Variants in LUZP2 observed in about 807,000 individuals in gnomAD.
The protein encoded by LUZP2 is leucine zipper protein 2.
LUZP2 carries 52 observed loss-of-function variants against 51.6 expected under a neutral mutation model. That is an observed-to-expected ratio of 1.01 (90% CI 0.81 to 1.27). The LOEUF (loss-of-function observed/expected upper bound fraction) is 1.27, where lower values mean the gene tolerates loss of function less well. Among genes scored for constraint, LUZP2 ranks in the 50% most tolerant of loss-of-function variants. The pLI, the probability that LUZP2 is intolerant of heterozygous loss-of-function variation, is 0.00. For missense variants in LUZP2, 436 were observed against 395.4 expected (o/e 1.10, Z -0.87); for synonymous variants, 154 against 137.3 (o/e 1.12, Z -0.85).
At chr11:24,953,439 G>T (rs1317269072) in intron 7 of LUZP2, among the ~76,000 whole-genome samples, 1 of 151,910 alleles carries the variant, frequency 6.6e-6, no homozygotes, top group Non-Finnish European at 1.5e-5. Context: ...TGTCTCCTCA[G>T]CACACTTGTC....
intron 7 of LUZP2, among the ~76,000 whole-genome samples, chr11:24,933,305 C>T (rs12280040): frequency 0.079 from 12,083 of 152,086 alleles, 1,585 homozygotes; most frequent in African/African-American, 0.27. Flanking sequence ...TAGCTCTGTT[C>T]GTCTGAGTGG....
intron 7 of LUZP2, among the ~76,000 whole-genome samples, chr11:24,933,060 C>A (rs967137654): frequency 6.6e-6 from 1 of 152,164 alleles, no homozygotes; most frequent in African/African-American, 2.4e-5. Context: ...CAGATAAGGT[C>A]AAATCATTCT....
At chr11:24,521,075 G>T (rs1404136628) in intron 1 of LUZP2, among the ~76,000 whole-genome samples, 1 of 152,192 alleles carries the variant, frequency 6.6e-6, no homozygotes, top group Admixed American at 6.5e-5. Context: ...GTGTGGCTGG[G>T]CGTGGTGGCT....
chr11:24,899,995 T>G (rs969667482), intron 5 of LUZP2, among the ~76,000 whole-genome samples: 3 of 152,312 alleles, frequency 2.0e-5, no homozygotes, highest in Admixed American at 1.3e-4. Flanking sequence ...TATTTAATGT[T>G]ATTTCTAAAT....
intron 8 of LUZP2, among the ~76,000 whole-genome samples, chr11:24,979,631 C>G (rs1268982678): frequency 6.6e-6 from 1 of 151,796 alleles, no homozygotes; most frequent in Non-Finnish European, 1.5e-5. Context: ...ATATCAAGAG[C>G]TAAGAATCAG....
chr11:24,971,718 CA>C lies in LUZP2; in HGVS notation c.523-4870del, dbSNP rs1256044587. Among the ~76,000 whole-genome samples the C allele has an allele frequency of 4.6e-5, 7 of 152,198 alleles. No homozygotes were observed. In the South Asian group the frequency reaches 1.2e-3, roughly 27 times the overall value. ...TACCTAATCCTTTCCAAACTGGAAT[CA>C]AAGTATTACAACATGGGATGGTATC... On this transcript the variant is annotated intron_variant, in intron 7 of 11. Coordinates refer to ENST00000336930, the MANE Select transcript of LUZP2 (RefSeq NM_001009909.4).
In LUZP2 at chr11:24,519,764, G is replaced by A. The variant is rs187651566; in HGVS notation, c.62+22459G>A. Among the ~76,000 whole-genome samples the A allele has an allele frequency of 2.2e-3, 330 of 152,234 alleles. 2 individuals are homozygous for A. Among genetic ancestry groups the A allele is most frequent in the African/African-American group, 7.7e-3 (319 of 41,532 alleles). The stretch of plus-strand genomic sequence containing the variant: ...AAATTATTGCCATGTCAATATAGTT[G>A]CATTCTAATGATAATATGCATCTTT... On this transcript the variant is annotated intron_variant, in intron 1 of 11. Coordinates refer to ENST00000336930, the MANE Select transcript of LUZP2 (RefSeq NM_001009909.4).
intron 4 of LUZP2, among the ~76,000 whole-genome samples, chr11:24,757,970 C>T (rs74654074): frequency 2.3e-4 from 35 of 152,174 alleles, no homozygotes; most frequent in African/African-American, 8.4e-4. Flanking sequence ...TTAATGATGA[C>T]TTTTACCTAA....
At chr11:24,896,430 CCTGGGCCAGCAGCTGCAGAGGGGGCG>C (rs1356166956) in intron 5 of LUZP2, among the ~76,000 whole-genome samples, 2 of 152,286 alleles carry the variant, frequency 1.3e-5, no homozygotes, top group South Asian at 4.1e-4. Flanking sequence ...GGGCTTAGCA[CCTGGGCCAGCAGCTGCAGAGGGGGCG>C]CCGGGTCCCC....
At chr11:24,851,986 G>A (rs1321298625) in intron 5 of LUZP2, among the ~76,000 whole-genome samples, 2 of 151,954 alleles carry the variant, frequency 1.3e-5, no homozygotes, top group African/African-American at 4.8e-5. Context: ...ATTTTTTATT[G>A]TGTCTATTTG....
intron 11 of LUZP2, 83 bp from the exon 12 acceptor site, chr11:25,078,468 ATTC>A: frequency 1.0e-6 from 1 of 988,616 alleles, no homozygotes; most frequent in Middle Eastern, 2.4e-4. Flanking sequence ...TTGAATTTCC[ATTC>A]TTATTCTTTT....
Position 25,078,875 on chromosome 11 carries a change from T to C in LUZP2, c.*217T>C, listed in dbSNP as rs1859396790. 2.2e-6 allele frequency: 1 copy of C among 464,596 alleles called. No homozygotes were observed. The highest frequency in any genetic ancestry group is 3.8e-6 in the Non-Finnish European group (1 of 266,420). 28.8% of individuals were successfully genotyped at this position (464,596 alleles called of 1,614,324 possible). On this transcript the variant is annotated 3_prime_UTR_variant, in exon 12 of 12. Transcript: ENST00000336930. ...TGAATACCCACAGTCAGAAATATTT[T>C]GTTGTCAACAGTAAATTGTCCCATA...
At chr11:24,753,646 T>C (rs941012295) in intron 4 of LUZP2, among the ~76,000 whole-genome samples, 21 of 152,226 alleles carry the variant, frequency 1.4e-4, no homozygotes, top group African/African-American at 4.8e-4. Flanking sequence ...ACATGAGGTG[T>C]GTTCAAATAT....
At chr11:24,799,387 G>A (rs1428383034) in intron 5 of LUZP2, among the ~76,000 whole-genome samples, 3 of 152,028 alleles carry the variant, frequency 2.0e-5, no homozygotes, top group Non-Finnish European at 4.4e-5. Flanking sequence ...CACGAGGTCA[G>A]GAGTTCAAGA....
At chr11:25,060,716 A>C (rs1276528745) in intron 10 of LUZP2, among the ~76,000 whole-genome samples, 2 of 152,218 alleles carry the variant, frequency 1.3e-5, no homozygotes, top group Non-Finnish European at 2.9e-5. Context: ...AGTATAAATA[A>C]AAAGAAAAGT....
At chr11:24,607,160 T>G (rs1853950113) in intron 1 of LUZP2, among the ~76,000 whole-genome samples, 1 of 151,834 alleles carries the variant, frequency 6.6e-6, no homozygotes. Flanking sequence ...AATCATTTAT[T>G]TTTTATTTTC....
chr11:24,749,188 C>G (rs1420971316), intron 4 of LUZP2, among the ~76,000 whole-genome samples: 1 of 152,120 alleles, frequency 6.6e-6, no homozygotes, highest in African/African-American at 2.4e-5. Flanking sequence ...GGGAATCGGA[C>G]CTGGGCTGGC....
At chr11:24,571,513 T>G (rs1337443116) in intron 1 of LUZP2, among the ~76,000 whole-genome samples, 1 of 152,070 alleles carries the variant, frequency 6.6e-6, no homozygotes, top group African/African-American at 2.4e-5. Flanking sequence ...GTGGATGCCT[T>G]GAAGGTTGTA....
chr11:24,910,762 G>T (rs1590718840), intron 6 of LUZP2, among the ~76,000 whole-genome samples: 1 of 146,450 alleles, frequency 6.8e-6, no homozygotes, highest in African/African-American at 2.5e-5. Flanking sequence ...ATGTGGGTTT[G>T]GAGTTCTACA....
Sources: gnomAD v4.1 joint callset for allele counts (sites outside exome capture counted in the v4.1 genomes callset) on GRCh38, gnomAD v4.1.1 for gene constraint, MANE v1.5 for transcripts, NCBI Gene and HGNC (gene_info 2026-07-23, HGNC 2026-07-21) for gene names.